Variants in CNDP1 observed in about 807,000 individuals in gnomAD.
CNDP1 encodes the protein beta-Ala-His dipeptidase.
Under a neutral mutation model 58.1 loss-of-function variants are expected in CNDP1, and 44 were observed. The observed-to-expected ratio is 0.76, with a 90% CI of 0.60 to 0.97. The LOEUF is 0.97. Among genes scored for constraint, CNDP1 ranks in the 50% least tolerant of loss-of-function variants. The probability of loss-of-function intolerance (pLI) is 0.00; values close to 1 mark genes in which losing one functional copy is unlikely to be tolerated. For synonymous variants in CNDP1, 254 were observed against 252.6 expected (o/e 1.01, Z -0.05); for missense variants, 616 against 655.1 (o/e 0.94, Z 0.65).
intron 10 of CNDP1, among the ~76,000 whole-genome samples, chr18:74,581,703 GGGTGCT>G (rs1193463073): frequency 1.3e-5 from 2 of 152,178 alleles, no homozygotes; most frequent in Non-Finnish European, 2.9e-5. Context: ...GCGTGTACTT[GGGTGCT>G]GGCTGTGGCG....
chr18:74,583,785 C>T (rs1981847933), intron 11 of CNDP1, 77 bp downstream of exon 11: 2 of 1,394,360 alleles, frequency 1.4e-6, no homozygotes, highest in South Asian at 1.2e-5. Context: ...TGGGTGAGCT[C>T]CTGTTCAATT....
Position 74,570,612 on chromosome 18 carries a change from C to T in CNDP1, c.757-574C>T, listed in dbSNP as rs143795863. On this transcript the variant is annotated intron_variant, in intron 6 of 11. Coordinates refer to ENST00000358821, the MANE Select transcript of CNDP1 (RefSeq NM_032649.6). Reference sequence around the variant, plus strand: ...TCCCTTAGGAAAAGTAAGATGGAGTCTTTTTCTAAGATGGAGTCACTTATG... The same window carrying T: ...TCCCTTAGGAAAAGTAAGATGGAGTTTTTTTCTAAGATGGAGTCACTTATG... Among the ~76,000 whole-genome samples the T allele has an allele frequency of 7.5e-3, 1,142 of 152,280 alleles. 14 individuals are homozygous for T. The highest frequency in any genetic ancestry group is 0.026 in the African/African-American group (1,073 of 41,544).
chr18:74,570,218 T>TAATAATA (rs56019800), intron 6 of CNDP1, among the ~76,000 whole-genome samples: 2 of 97,898 alleles, frequency 2.0e-5, no homozygotes, highest in African/African-American at 5.7e-5. Context: ...ATAATAATAA[T>TAATAATA]TAATAATAAT....
intron 1 of CNDP1, among the ~76,000 whole-genome samples, chr18:74,536,672 T>A (rs1370707397): frequency 6.6e-6 from 1 of 152,242 alleles, no homozygotes; most frequent in Non-Finnish European, 1.5e-5. Flanking sequence ...AATGGGATTA[T>A]TGGGTCAAAC....
At chr18:74,550,868 G>T (rs992168012) in intron 1 of CNDP1, among the ~76,000 whole-genome samples, 1 of 151,932 alleles carries the variant, frequency 6.6e-6, no homozygotes, top group Admixed American at 6.6e-5. Context: ...CCAAAGTGCT[G>T]GGATTACAGA....
intron 1 of CNDP1, among the ~76,000 whole-genome samples, chr18:74,544,184 T>C (rs1980699235): frequency 6.6e-6 from 1 of 151,918 alleles, no homozygotes; most frequent in Non-Finnish European, 1.5e-5. Context: ...ACTAAGAGTT[T>C]GAGTTTGCAG....
chr18:74,581,432 G>C (rs1479013290), intron 10 of CNDP1, among the ~76,000 whole-genome samples: 1 of 152,042 alleles, frequency 6.6e-6, no homozygotes, highest in Non-Finnish European at 1.5e-5. Context: ...GCACAGCATT[G>C]CCCAGGAGGA....
At chr18:74,563,546 G>C (rs1406214342) in intron 5 of CNDP1, among the ~76,000 whole-genome samples, 1 of 152,176 alleles carries the variant, frequency 6.6e-6, no homozygotes, top group Non-Finnish European at 1.5e-5. Context: ...GTTAATCTCT[G>C]AGCCTGACTT....
intron 8 of CNDP1, chr18:74,577,848 G>A (rs1981671586): frequency 4.2e-6 from 1 of 235,734 alleles, no homozygotes; most frequent in East Asian, 8.4e-5. Flanking sequence ...TTTATCTATG[G>A]CCATACCACA....
chr18:74,534,821 G>T, intron 1 of CNDP1, 130 bp downstream of exon 1: 2 of 883,404 alleles, frequency 2.3e-6, no homozygotes, highest in Non-Finnish European at 3.7e-6. Context: ...GCTCCTCATG[G>T]TGTTCTTAGG....
chr18:74,584,084 G>T, intron 11 of CNDP1: 1 of 298,648 alleles, frequency 3.3e-6, no homozygotes, highest in Non-Finnish European at 6.3e-6. Context: ...GGGGGTTAGG[G>T]GTTCAACACA....
rs1981177761 is a variant in CNDP1 at position 74,560,926 on chromosome 18, G to T, written c.374G>T (p.Gly125Val). Residue 125 changes from glycine to valine, a missense_variant, in exon 4 of 12, where the codon GGC becomes GTC. Gly to Val is a moderately radical substitution (Grantham distance 109, BLOSUM62 -3). Transcript: ENST00000358821. ...GAACTGGGGAGCGATCCCACGAAAGGCACCGTGTGCTTCTACGGCCACTTG... is the reference window on the plus strand; with the variant it reads ...GAACTGGGGAGCGATCCCACGAAAGTCACCGTGTGCTTCTACGGCCACTTG... ...LAELGSDPTK[G>V]TVCFYGHLDV... is the part of the protein sequence containing the mutation. 1.9e-6 allele frequency: 3 copies of T among 1,614,028 alleles called. No homozygotes were observed.
At chr18:74,581,226 GT>G (rs1186428189) in intron 10 of CNDP1, among the ~76,000 whole-genome samples, 2 of 115,576 alleles carry the variant, frequency 1.7e-5, no homozygotes, top group Non-Finnish European at 4.1e-5. Context: ...TCCTGTGTGT[GT>G]GTGTGTGTGT....
chr18:74,575,482 G>C (rs1200007123), intron 7 of CNDP1, among the ~76,000 whole-genome samples: 1 of 152,170 alleles, frequency 6.6e-6, no homozygotes, highest in African/African-American at 2.4e-5. Flanking sequence ...TCTACTTCCT[G>C]GCTGCATTTT....
rs370552229 is a variant in CNDP1 at position 74,580,427 on chromosome 18, G to A, written c.1309+156G>A. Among the ~76,000 whole-genome samples, 9 of 152,344 alleles carry A rather than the reference G, an allele frequency of 5.9e-5. No homozygotes were observed. The East Asian group carries it at 9.6e-4, about 16-fold the overall frequency. On this transcript the variant is annotated intron_variant, in intron 10 of 11. Transcript: ENST00000358821. ...TGAATGCATGCCATGTGCAGGGCAC[G>A]CTATACACGCCATCTCAAGTCATCC...
At chr18:74,571,617 G>C (rs532346979) in intron 7 of CNDP1, among the ~76,000 whole-genome samples, 2 of 152,290 alleles carry the variant, frequency 1.3e-5, no homozygotes, top group African/African-American at 4.8e-5. Context: ...CCGGGTGGAG[G>C]TGTGGTATTC....
intron 4 of CNDP1, chr18:74,561,646 A>G (rs2144657467): frequency 5.3e-6 from 1 of 189,504 alleles, no homozygotes; most frequent in East Asian, 1.1e-4. Context: ...ATAGAGATAT[A>G]CACACATCTT....
intron 1 of CNDP1, among the ~76,000 whole-genome samples, chr18:74,552,007 G>A (rs535388399): frequency 2.2e-4 from 34 of 152,104 alleles, no homozygotes; most frequent in African/African-American, 7.5e-4. Flanking sequence ...GGCTACTGGA[G>A]GGCCAGAGGA....
rs1350574530 is a variant in CNDP1 at position 74,554,965 on chromosome 18, C to T, written c.25-1373C>T. ...ATAAGCAACATCGGCGGGGCCACAC[C>T]CATGATGAGCGTCCTCTCAAGGATG... On this transcript the variant is annotated intron_variant, in intron 1 of 11. Coordinates refer to ENST00000358821, the MANE Select transcript of CNDP1 (RefSeq NM_032649.6). Among the ~76,000 whole-genome samples, 9 of 152,116 alleles carry T rather than the reference C, an allele frequency of 5.9e-5. No individual in the cohort carries two copies. In the East Asian group the frequency reaches 1.6e-3, roughly 26 times the overall value.
Sources: allele counts gnomAD v4.1 joint callset (sites outside exome capture counted in the v4.1 genomes callset), GRCh38; gene constraint gnomAD v4.1.1; transcripts MANE v1.5; gene names NCBI Gene and HGNC (gene_info 2026-07-23, HGNC 2026-07-21).